CCNDBP1: variants seen among roughly 807,000 people sequenced by gnomAD.
The protein encoded by CCNDBP1 is cyclin-D1-binding protein 1.
Under a neutral mutation model 46.2 loss-of-function variants are expected in CCNDBP1, and 45 were observed. The observed-to-expected ratio is 0.97, with a 90% CI of 0.77 to 1.25. The LOEUF (loss-of-function observed/expected upper bound fraction) is 1.25, where lower values mean the gene tolerates loss of function less well. CCNDBP1 is among the 50% of genes most tolerant of loss of function. The pLI is 0.00. For missense variants in CCNDBP1, 436 were observed against 442.1 expected (o/e 0.99, Z 0.12); for synonymous variants, 154 against 163.6 (o/e 0.94, Z 0.45).
At chr15:43,186,453 A>G (rs1400842802) in intron 3 of CCNDBP1, among the ~76,000 whole-genome samples, 1 of 152,166 alleles carries the variant, frequency 6.6e-6, no homozygotes, top group African/African-American at 2.4e-5. Flanking sequence ...TTCAGTCTGA[A>G]GTTTATCCTG....
intron 8 of CCNDBP1, 111 bp downstream of exon 8, chr15:43,191,786 A>T (rs2041957406): frequency 7.7e-7 from 1 of 1,293,842 alleles, no homozygotes; most frequent in Admixed American, 2.6e-5. Context: ...TTTCAAACCT[A>T]TAGGAAAGTT....
rs141771573 is a variant in CCNDBP1 at position 43,192,948 on chromosome 15, G to T, written c.921+145G>T. On this transcript the variant is annotated intron_variant, in intron 9 of 10. Transcript: ENST00000300213. ...CAGTAATGTCACAGTTCTTGCATGC[G>T]TTTGGGGTTGATAAATATTCACTGA... The T allele has an allele frequency of 9.6e-3, 6,736 of 703,846 alleles. 51 individuals carry two copies. Among genetic ancestry groups the T allele is most frequent in the Non-Finnish European group, 0.013 (5,281 of 402,740 alleles). 43.6% of individuals were successfully genotyped at this position (703,846 alleles called of 1,614,324 possible).
At chr15:43,189,105 G>GAAAGAAAAA in intron 3 of CCNDBP1, 94 bp from the exon 4 acceptor site, 1 of 237,158 alleles carries the variant, frequency 4.2e-6, no homozygotes, top group Non-Finnish European at 7.7e-6. Flanking sequence ...AAAAAAAAAA[G>GAAAGAAAAA]AAAAAGAAAG....
intron 7 of CCNDBP1, 28 bp from the exon 8 acceptor site, chr15:43,191,367 C>CAATAAAAAAAA: frequency 1.7e-6 from 1 of 593,390 alleles, no homozygotes. Context: ...TTTTTTTTTG[C>CAATAAAAAAAA]ATTCACATAC....
intron 4 of CCNDBP1, 59 bp from the exon 5 acceptor site, chr15:43,189,996 A>G (rs762247967): frequency 2.8e-6 from 4 of 1,421,618 alleles, no homozygotes; most frequent in Non-Finnish European, 4.0e-6. Context: ...AGACTCAGGA[A>G]AGCAGATGGT....
rs2041902978 is a variant in CCNDBP1 at position 43,189,093 on chromosome 15, A to AG, written c.250-106_250-105insG. The AG allele has an allele frequency of 1.1e-5, 5 of 467,292 alleles. 1 individual carries two copies. Among genetic ancestry groups the AG allele is most frequent in the East Asian group, 4.2e-5 (1 of 23,722 alleles). The allele number at this position is 467,292 out of a possible 1,614,324, so 28.9% of individuals were successfully genotyped here. ...ACTCTGTCTCAAAAAAAAAAAAAAAAAAAAAAAAAAAGAAAAAGAAAGAAA... is the reference window on the plus strand; with the variant it reads ...ACTCTGTCTCAAAAAAAAAAAAAAAAGAAAAAAAAAAAGAAAAAGAAAGAAA... On this transcript the variant is annotated intron_variant, in intron 3 of 10. Coordinates refer to ENST00000300213, the MANE Select transcript of CCNDBP1 (RefSeq NM_012142.5).
Position 43,194,770 on chromosome 15 carries a change from T to G in CCNDBP1, c.1012T>G (p.Leu338Val), listed in dbSNP as rs369423898. ...TPQPEDSWIP[L>V]LINAIDHCMN... Reference sequence around the variant, plus strand: ...TCAGCCAGAAGATAGTTGGATCCCTTTACTTATTAATGCCATTGATCATTG... The same window carrying G: ...TCAGCCAGAAGATAGTTGGATCCCTGTACTTATTAATGCCATTGATCATTG... Residue 338 changes from leucine to valine, a missense_variant, in exon 11 of 11, where the codon TTA (leucine) becomes GTA (valine). By Grantham distance (32) the Leu-to-Val change is conservative. Transcript: ENST00000300213. 4 of 1,613,892 alleles carry G rather than the reference T, an allele frequency of 2.5e-6. No individual in the cohort carries two copies. The highest frequency in any genetic ancestry group is 3.4e-6 in the Non-Finnish European group (4 of 1,179,748).
Position 43,192,928 on chromosome 15 carries a change from A to G in CCNDBP1, c.921+125A>G, listed in dbSNP as rs115236070. The G allele has an allele frequency of 1.1e-3, 926 of 853,056 alleles. 5 individuals are homozygous for G. The African/African-American group carries it at 0.014, about 13-fold the overall frequency. 52.8% of individuals were successfully genotyped at this position (853,056 alleles called of 1,614,324 possible). ...ACATTTGGATGGAAGTACAACAGTA[A>G]TGTCACAGTTCTTGCATGCGTTTGG... On this transcript the variant is annotated intron_variant, in intron 9 of 10. Coordinates refer to ENST00000300213, the MANE Select transcript of CCNDBP1 (RefSeq NM_012142.5).
rs753515025 is a variant in CCNDBP1, at chr15:43,194,893, C to G, written c.*52C>G. 9.1e-7 allele frequency: 1 copy of G among 1,099,690 alleles called. No individual in the cohort carries two copies. Among genetic ancestry groups the G allele is most frequent in the Admixed American group, 1.8e-5 (1 of 54,754 alleles). 68.1% of individuals were successfully genotyped at this position (1,099,690 alleles called of 1,614,324 possible). ...CCCCTCTCATCGTCATGGTCAGGCTCTGATACCTGCTTTTAAAATGGAGCT... is the reference window on the plus strand; with the variant it reads ...CCCCTCTCATCGTCATGGTCAGGCTGTGATACCTGCTTTTAAAATGGAGCT... On this transcript the variant is annotated 3_prime_UTR_variant, in exon 11 of 11. Coordinates refer to ENST00000300213, the MANE Select transcript of CCNDBP1 (RefSeq NM_012142.5).
chr15:43,191,710 C>T, intron 8 of CCNDBP1, 35 bp downstream of exon 8: 1 of 1,578,744 alleles, frequency 6.3e-7, no homozygotes, highest in South Asian at 1.1e-5. Flanking sequence ...ATCTGAGCAG[C>T]AGCGTTCTGA....
rs769134985 is a variant in CCNDBP1 at position 43,185,557 on chromosome 15, A to G, written c.59A>G (p.Gln20Arg). The G allele has an allele frequency of 1.4e-4, 228 of 1,593,980 alleles. No homozygotes were observed. Among genetic ancestry groups the G allele is most frequent in the Admixed American group, 2.8e-4 (16 of 57,860 alleles). Residue 20 changes from glutamine (Q) to arginine (R), a missense_variant, in exon 1 of 11, where the codon CAG becomes CGG. Physicochemically the swap from Gln to Arg is conservative, Grantham distance 43. Coordinates refer to ENST00000300213, the MANE Select transcript of CCNDBP1 (RefSeq NM_012142.5). ...AVPTLASPLE[Q>R]LRHLAEELRL... is the part of the protein sequence containing the mutation. ...CCCACCCTGGCTTCGCCTTTGGAGC[A>G]GCTCCGGCACTTGGCGGAGGAGCTG... is the stretch of plus-strand genomic sequence containing the variant.
chr15:43,189,395 A>C, intron 4 of CCNDBP1, 115 bp downstream of exon 4: 1 of 582,600 alleles, frequency 1.7e-6, no homozygotes, highest in Non-Finnish European at 3.0e-6. Flanking sequence ...CATAAAATAC[A>C]GTGAAGGATA....
At position 43,193,520 on chromosome 15, in the gene CCNDBP1, C is replaced by T. The variant is rs551352383; in HGVS notation, c.921+717C>T. Among the ~76,000 whole-genome samples, 5 of 152,150 alleles carry T rather than the reference C, an allele frequency of 3.3e-5. 1 individual carries two copies. Among genetic ancestry groups the T allele is most frequent in the African/African-American group, 1.2e-4 (5 of 41,496 alleles). On this transcript the variant is annotated intron_variant, in intron 9 of 10. Transcript: ENST00000300213. ...AGGTCACATGTTTCTGATTTCTAGACAAGGCAGAAATAAGTGTTCCAGAAA... is the reference window on the plus strand; with the variant it reads ...AGGTCACATGTTTCTGATTTCTAGATAAGGCAGAAATAAGTGTTCCAGAAA...
In CCNDBP1 at chr15:43,191,031, G is replaced by C; in HGVS notation, c.568G>C (p.Glu190Gln). 6.2e-7 allele frequency: 1 copy of C among 1,613,678 alleles called. No homozygotes were observed. Among genetic ancestry groups the C allele is most frequent in the Non-Finnish European group, 8.5e-7 (1 of 1,179,568 alleles). The change falls in exon 7 of 11, where the codon GAA (glutamate) becomes CAA (glutamine). Residue 190 changes from glutamate (E) to glutamine (Q), a missense_variant. Physicochemically the swap from Glu to Gln is conservative, Grantham distance 29 (BLOSUM62 2). Coordinates refer to ENST00000300213, the MANE Select transcript of CCNDBP1 (RefSeq NM_012142.5). ...NVDFVKDAHE[E>Q]MEQAVEECDP... is the part of the protein sequence containing the mutation. ...GGATTTTGTGAAGGATGCACATGAAGAAATGGAGCAGGTGAGGGGACCTCC... is the reference window on the plus strand; with the variant it reads ...GGATTTTGTGAAGGATGCACATGAACAAATGGAGCAGGTGAGGGGACCTCC...
chr15:43,189,378 T>G, intron 4 of CCNDBP1, 98 bp downstream of exon 4: 1 of 648,702 alleles, frequency 1.5e-6, no homozygotes, highest in Non-Finnish European at 2.6e-6. Context: ...AACATGTAAC[T>G]TTCTCCCATA....
At chr15:43,186,020 T>C in intron 2 of CCNDBP1, 134 bp from the exon 3 acceptor site, 15 of 1,163,714 alleles carry the variant, frequency 1.3e-5, no homozygotes, top group Non-Finnish European at 1.9e-5. Context: ...CCTCAGCACC[T>C]GAGAGGGTGA....
chr15:43,188,330 AAAAG>A (rs2041886191), intron 3 of CCNDBP1: 1 of 152,172 alleles, frequency 6.6e-6, no homozygotes, highest in South Asian at 2.1e-4. Context: ...TTCTGTTAAA[AAAAG>A]AGAGAGACCT....
In CCNDBP1 at chr15:43,185,623, T is replaced by C. The variant is rs1474488094; in HGVS notation, c.109+16T>C. The C allele has an allele frequency of 1.3e-6, 2 of 1,500,044 alleles. No individual in the cohort carries two copies. Among genetic ancestry groups the C allele is most frequent in the Non-Finnish European group, 1.8e-6 (2 of 1,117,064 alleles). The allele number at this position is 1,500,044 out of a possible 1,614,324, so 92.9% of individuals were successfully genotyped here. On this transcript the variant is annotated intron_variant, in intron 1 of 10. Transcript: ENST00000300213. ...CGAGTGCGGGGTGAGCTGACGGAGT[T>C]AGAACGGGCGACGGCAGGGGCGGGC...
intron 3 of CCNDBP1, chr15:43,188,343 C>G (rs1321391444): frequency 6.6e-6 from 1 of 152,050 alleles, no homozygotes; most frequent in African/African-American, 2.4e-5. Context: ...AGAGAGAGAC[C>G]TGGTTAATGG....
Sources: allele counts gnomAD v4.1 joint callset (sites outside exome capture counted in the v4.1 genomes callset), GRCh38; gene constraint gnomAD v4.1.1; transcripts MANE v1.5; gene names NCBI Gene and HGNC (gene_info 2026-07-23, HGNC 2026-07-21).